Variants in HDAC8 observed in about 807,000 individuals in gnomAD.
HDAC8 encodes histone deacetylase-like 1.
A neutral mutation model predicts 32.2 loss-of-function variants in HDAC8; 1 was observed. The ratio of observed to expected loss-of-function variants is 0.03; its 90% confidence interval spans 0.01 to 0.15. The LOEUF (loss-of-function observed/expected upper bound fraction) is 0.15, where lower values mean the gene tolerates loss of function less well. Among genes scored for constraint, HDAC8 ranks in the 10% least tolerant of loss-of-function variants. HDAC8 has a pLI of 1.00. For missense variants in HDAC8, 117 were observed against 300.0 expected (o/e 0.39, Z 4.51); for synonymous variants, 108 against 113.9 (o/e 0.95, Z 0.33).
At chrX:72,335,380 A>G (rs782190772) in intron 10 of HDAC8, among the ~76,000 whole-genome samples, 36 of 112,198 alleles carry the variant, frequency 3.2e-4, no homozygotes, top group South Asian at 7.4e-4. Flanking sequence ...CCCGGCAACC[A>G]TCATCTTTTT....
At chrX:72,516,803 G>A (rs941710302) in intron 4 of HDAC8, among the ~76,000 whole-genome samples, 13 of 111,741 alleles carry the variant, frequency 1.2e-4, no homozygotes, top group African/African-American at 2.6e-4. Flanking sequence ...TTAAAATTCC[G>A]TCGCATTTAG....
rs79152861 is a variant in HDAC8 at position 72,453,464 on chromosome X, T to TAAATAAAG, written c.1005+8539_1005+8540insCTTTATTT. 2.8e-4 allele frequency among the ~76,000 whole-genome samples: 19 copies of TAAATAAAG among 67,254 alleles called. 1 individual carries two copies. The highest frequency in any genetic ancestry group is 7.4e-4 in the African/African-American group (12 of 16,298). The allele number at this position is 67,254 out of a possible 115,157, so 58.4% of individuals were successfully genotyped here. A position where few individuals can be genotyped will look rare whatever the true frequency, so the allele number is the denominator to read the frequency against. On this transcript the variant is annotated intron_variant, in intron 9 of 10. Transcript: ENST00000373573. ...GGAGTAAGACTCTGTCTCTTAAAAA[T>TAAATAAAG]AAAGAAAGAAAGAAAGAAAGAAAGA...
intron 9 of HDAC8, among the ~76,000 whole-genome samples, chrX:72,453,073 A>G (rs2047613571): frequency 9.0e-6 from 1 of 110,564 alleles, no homozygotes; most frequent in African/African-American, 3.3e-5. Context: ...TGTACTGCAG[A>G]ATAAAAGATC....
At chrX:72,453,067 C>T (rs2047613186) in intron 9 of HDAC8, among the ~76,000 whole-genome samples, 1 of 109,180 alleles carries the variant, frequency 9.2e-6, no homozygotes, top group Non-Finnish European at 1.9e-5. Flanking sequence ...AGCAGGTGTA[C>T]TGCAGAATAA....
intron 2 of HDAC8, 46 bp downstream of exon 2, chrX:72,572,011 C>G (rs1556158882): frequency 3.8e-6 from 4 of 1,064,110 alleles, no homozygotes; most frequent in Non-Finnish European, 3.8e-6. Flanking sequence ...GATATTAAGG[C>G]TACGAACACC....
rs1403027492 is a variant in HDAC8, at chrX:72,445,745, T to G, written c.1005+16259A>C. ...AAGAAACTACCATCAGAGTGAACAGTCAACCTACAAAATGGGAGAAAATTT... is the reference window on the plus strand; with the variant it reads ...AAGAAACTACCATCAGAGTGAACAGGCAACCTACAAAATGGGAGAAAATTT... On this transcript the variant is annotated intron_variant, in intron 9 of 10. Coordinates refer to ENST00000373573, the MANE Select transcript of HDAC8 (RefSeq NM_018486.3). Among the ~76,000 whole-genome samples, 74 of 111,263 alleles carry G rather than the reference T, an allele frequency of 6.7e-4. 2 individuals carry two copies. Among genetic ancestry groups the G allele is most frequent in the Non-Finnish European group, 3.4e-4 (18 of 52,983 alleles).
intron 4 of HDAC8, among the ~76,000 whole-genome samples, chrX:72,565,756 C>T (rs1011542049): frequency 4.5e-5 from 5 of 111,697 alleles, no homozygotes; most frequent in Non-Finnish European, 9.4e-5. Context: ...AGAAGTCTTT[C>T]GTTCAGAGAA....
chrX:72,419,594 C>G (rs190177261), intron 9 of HDAC8, among the ~76,000 whole-genome samples: 1 of 111,378 alleles, frequency 9.0e-6, no homozygotes, highest in Admixed American at 9.5e-5. Context: ...AATTTGGATG[C>G]CTTTTATTCA....
At chrX:72,375,994 T>C (rs1555957925) in intron 9 of HDAC8, among the ~76,000 whole-genome samples, 2 of 112,219 alleles carry the variant, frequency 1.8e-5, no homozygotes, top group African/African-American at 6.5e-5. Flanking sequence ...TTAGTTTTGG[T>C]ATTGTGTGTC....
rs187697191 is a variant in HDAC8 at position 72,493,525 on chromosome X, C to G, written c.550+1631G>C. Reference sequence around the variant, plus strand: ...GATGCACTTTCAAGTTTGAGAACCACTGCTGTAGGCCAGGGGTCAATGAAC... The same window carrying G: ...GATGCACTTTCAAGTTTGAGAACCAGTGCTGTAGGCCAGGGGTCAATGAAC... On this transcript the variant is annotated intron_variant, in intron 5 of 10. Coordinates refer to ENST00000373573, the MANE Select transcript of HDAC8 (RefSeq NM_018486.3). Among the ~76,000 whole-genome samples, 434 of 111,872 alleles carry G rather than the reference C, an allele frequency of 3.9e-3. 7 individuals carry two copies. The highest frequency in any genetic ancestry group is 0.029 in the Admixed American group (303 of 10,568).
chrX:72,525,801 G>A lies in HDAC8; in HGVS notation c.438-30533C>T, dbSNP rs376275238. ...TGCACTCCAGCCTGGGCAACAGAGCGAGACTCTGTCTCAAAAAAAAAAAAA... is the reference window on the plus strand; with the variant it reads ...TGCACTCCAGCCTGGGCAACAGAGCAAGACTCTGTCTCAAAAAAAAAAAAA... On this transcript the variant is annotated intron_variant, in intron 4 of 10. Transcript: ENST00000373573. 1.7e-4 allele frequency among the ~76,000 whole-genome samples: 11 copies of A among 66,016 alleles called. No individual in the cohort carries two copies. In the East Asian group the frequency reaches 2.9e-3, roughly 17 times the overall value. 57.3% of individuals were successfully genotyped at this position (66,016 alleles called of 115,157 possible).
chrX:72,551,420 A>AT (rs1818677910), intron 4 of HDAC8, among the ~76,000 whole-genome samples: 1 of 112,259 alleles, frequency 8.9e-6, no homozygotes, highest in South Asian at 3.7e-4. Context: ...GAATTAGTGC[A>AT]TTGTTATATC....
At chrX:72,392,912 T>C (rs949221049) in intron 9 of HDAC8, among the ~76,000 whole-genome samples, 1 of 111,956 alleles carries the variant, frequency 8.9e-6, no homozygotes, top group Non-Finnish European at 1.9e-5. Flanking sequence ...CAATTAATAC[T>C]ATGTTAGCTA....
chrX:72,355,401 G>A (rs2044305467), intron 9 of HDAC8, among the ~76,000 whole-genome samples: 2 of 111,658 alleles, frequency 1.8e-5, no homozygotes, highest in South Asian at 7.6e-4. Context: ...AAAGAGGGAG[G>A]TGCTAACCTC....
chrX:72,555,190 G>C (rs1295117545), intron 4 of HDAC8, among the ~76,000 whole-genome samples: 7 of 112,083 alleles, frequency 6.2e-5, no homozygotes, highest in African/African-American at 2.3e-4. Context: ...CCCATTCCTA[G>C]GGGAAGGAGG....
chrX:72,412,853 G>A (rs781822753), intron 9 of HDAC8, among the ~76,000 whole-genome samples: 1 of 112,228 alleles, frequency 8.9e-6, no homozygotes, highest in Non-Finnish European at 1.9e-5. Flanking sequence ...TGTACAGACA[G>A]ATGCTTTAGA....
chrX:72,571,167 G>A (rs901442730), intron 2 of HDAC8, among the ~76,000 whole-genome samples: 7 of 110,152 alleles, frequency 6.4e-5, no homozygotes, highest in Non-Finnish European at 1.1e-4. Flanking sequence ...CTCATGATCC[G>A]CCTGCCTCAG....
Position 72,444,305 on chromosome X carries a change from G to A in HDAC8, c.1005+17699C>T, listed in dbSNP as rs1243437409. On this transcript the variant is annotated intron_variant, in intron 9 of 10. Transcript: ENST00000373573. ...ATCCTCAATAAAATACCGGCAAACC[G>A]AATCCAGCAGCACATCAAAAAGCTT... 7.4e-5 allele frequency among the ~76,000 whole-genome samples: 8 copies of A among 108,690 alleles called. No individual in the cohort carries two copies. The East Asian group carries it at 8.8e-4, about 12-fold the overall frequency. The allele number at this position is 108,690 out of a possible 115,157, so 94.4% of individuals were successfully genotyped here.
intron 8 of HDAC8, among the ~76,000 whole-genome samples, chrX:72,463,632 T>C (rs1213993369): frequency 8.9e-6 from 1 of 112,022 alleles, no homozygotes; most frequent in African/African-American, 3.2e-5. Flanking sequence ...TGCCAGCTTT[T>C]CATAAGAGGT....
Sources: allele counts gnomAD v4.1 joint callset (sites outside exome capture counted in the v4.1 genomes callset), GRCh38; gene constraint gnomAD v4.1.1; transcripts MANE v1.5; gene names NCBI Gene and HGNC (gene_info 2026-07-23, HGNC 2026-07-21).